NFIA: variants seen among roughly 807,000 people sequenced by gnomAD.
The protein encoded by NFIA is nuclear factor I A, also known as nuclear factor 1 A-type.
Under a neutral mutation model 62.8 loss-of-function variants are expected in NFIA, and 8 were observed. The observed-to-expected ratio is 0.13, with a 90% CI of 0.07 to 0.23. The LOEUF (loss-of-function observed/expected upper bound fraction) is 0.23. Among genes scored for constraint, NFIA ranks in the 10% least tolerant of loss-of-function variants. The pLI is 1.00. For missense variants in NFIA, 410 were observed against 642.1 expected, an observed-to-expected ratio of 0.64 and a Z score of 3.91; for synonymous variants, 235 against 238.1, an observed-to-expected ratio of 0.99 and a Z score of 0.12.
At chr1:61,378,014 C>A (rs769617607) in intron 6 of NFIA, among the ~76,000 whole-genome samples, 2 of 152,132 alleles carry the variant, frequency 1.3e-5, no homozygotes, top group South Asian at 2.1e-4. Flanking sequence ...TAAGAAGATA[C>A]CTAAGGAAGA....
At chr1:61,273,579 GAAC>G (rs1344956732) in intron 2 of NFIA, among the ~76,000 whole-genome samples, 2 of 152,154 alleles carry the variant, frequency 1.3e-5, no homozygotes, top group African/African-American at 2.4e-5. Context: ...TCAGAAAGCT[GAAC>G]AACAATTGAA....
intron 3 of NFIA, among the ~76,000 whole-genome samples, chr1:61,283,608 AG>A (rs1170104697): frequency 1.4e-4 from 20 of 146,652 alleles, no homozygotes; most frequent in African/African-American, 4.0e-4. Context: ...AAAAAAAAAA[AG>A]ATTTATGTGT....
chr1:61,415,898 T>C (rs1666327463), intron 9 of NFIA, among the ~76,000 whole-genome samples: 2 of 152,144 alleles, frequency 1.3e-5, no homozygotes, highest in South Asian at 4.1e-4. Context: ...GATTGCAACA[T>C]TGATTACAAT....
At position 61,421,682 on chromosome 1, in the gene NFIA, C is replaced by T. The variant is rs139558817; in HGVS notation, c.1421-4783C>T. Among the ~76,000 whole-genome samples, 656 of 152,290 alleles carry T rather than the reference C, an allele frequency of 4.3e-3. 2 individuals carry two copies. The highest frequency in any genetic ancestry group is 0.015 in the African/African-American group (630 of 41,558). On this transcript the variant is annotated intron_variant, in intron 9 of 10. Coordinates refer to ENST00000403491, the MANE Select transcript of NFIA (RefSeq NM_001134673.4). ...CTGGCTGTCACTCAAGTAGGTCAGCCTCAGGTGAAACCAGCCACTTAGCCT... is the reference window on the plus strand; with the variant it reads ...CTGGCTGTCACTCAAGTAGGTCAGCTTCAGGTGAAACCAGCCACTTAGCCT...
rs555472079 is a variant in NFIA, at chr1:61,135,330, G to A, written c.559+46650G>A. Among the ~76,000 whole-genome samples, 11 of 152,316 alleles carry A rather than the reference G, an allele frequency of 7.2e-5. 1 individual carries two copies. Among genetic ancestry groups the A allele is most frequent in the South Asian group, 6.2e-4 (3 of 4,826 alleles). On this transcript the variant is annotated intron_variant, in intron 2 of 10. Coordinates refer to ENST00000403491, the MANE Select transcript of NFIA (RefSeq NM_001134673.4). ...AGGTCGTGCTACTGGGTTCTTTAGC[G>A]TCAAGACTGTAACCTACATCTTTAG... is the stretch of plus-strand genomic sequence containing the variant.
At chr1:61,157,949 T>A (rs1008851717) in intron 2 of NFIA, among the ~76,000 whole-genome samples, 6 of 152,234 alleles carry the variant, frequency 3.9e-5, no homozygotes, top group African/African-American at 1.4e-4. Context: ...CTCTGTAAAT[T>A]GTTATGTGTG....
At position 61,363,343 on chromosome 1, in the gene NFIA, G is replaced by A. The variant is rs138785071; in HGVS notation, c.946+4069G>A. On this transcript the variant is annotated intron_variant, in intron 6 of 10. Transcript: ENST00000403491. ...TATAAAGCCGGGTGTGATGGCTCACGCCTGTAATCCCAGCACTTTGGGAGG... is the reference window on the plus strand; with the variant it reads ...TATAAAGCCGGGTGTGATGGCTCACACCTGTAATCCCAGCACTTTGGGAGG... 1.2e-3 allele frequency among the ~76,000 whole-genome samples: 180 copies of A among 152,212 alleles called. 1 individual carries two copies. The highest frequency in any genetic ancestry group is 1.7e-3 in the Non-Finnish European group (115 of 67,988).
intron 2 of NFIA, among the ~76,000 whole-genome samples, chr1:61,272,302 C>T (rs905109392): frequency 1.3e-5 from 2 of 152,122 alleles, no homozygotes; most frequent in Non-Finnish European, 2.9e-5. Context: ...ATATTTTCTT[C>T]ACACGTCAGT....
Position 61,462,013 on chromosome 1 carries a change from A to G in NFIA, c.*6693A>G, listed in dbSNP as rs1281499785. 1 of 105,992 alleles carries G rather than the reference A, an allele frequency of 9.4e-6. No homozygotes were observed. Among genetic ancestry groups the G allele is most frequent in the Non-Finnish European group, 2.0e-5 (1 of 50,188 alleles). The allele number at this position is 105,992 out of a possible 1,614,324, so 6.6% of individuals were successfully genotyped here. A position where few individuals can be genotyped will look rare whatever the true frequency, so the allele number is the denominator to read the frequency against. On this transcript the variant is annotated 3_prime_UTR_variant, in exon 11 of 11. Coordinates refer to ENST00000403491, the MANE Select transcript of NFIA (RefSeq NM_001134673.4). ...ATTTTTTGATAATAGTCTGTAAGTT[A>G]GCCTTTTTGGGTTTTTTTTTTTTTT...
At chr1:61,293,694 A>G (rs1051379376) in intron 3 of NFIA, among the ~76,000 whole-genome samples, 3 of 152,220 alleles carry the variant, frequency 2.0e-5, no homozygotes, top group Admixed American at 6.5e-5. Flanking sequence ...AAACTAATAC[A>G]GTTAAAAAGA....
chr1:61,458,368 C>G lies in NFIA; in HGVS notation c.*3048C>G, dbSNP rs1223402011. ...TGCACCCTTTTTTAAACAAAACAAA[C>G]TAAGCAATAGTTTGGGCAGTTTTAG... On this transcript the variant is annotated 3_prime_UTR_variant, in exon 11 of 11. Coordinates refer to ENST00000403491, the MANE Select transcript of NFIA (RefSeq NM_001134673.4). 1 of 152,068 alleles carries G rather than the reference C, an allele frequency of 6.6e-6. No individual in the cohort carries two copies. Among genetic ancestry groups the G allele is most frequent in the Non-Finnish European group, 1.5e-5 (1 of 67,998 alleles). The allele number at this position is 152,068 out of a possible 1,614,324, so 9.4% of individuals were successfully genotyped here.
chr1:61,444,329 G>A (rs770571643), intron 10 of NFIA, among the ~76,000 whole-genome samples: 4 of 152,208 alleles, frequency 2.6e-5, no homozygotes, highest in Non-Finnish European at 5.9e-5. Flanking sequence ...TGCCTCTGGA[G>A]TAGACCTGAG....
chr1:61,342,778 G>C (rs1421940416), intron 4 of NFIA, among the ~76,000 whole-genome samples: 1 of 152,224 alleles, frequency 6.6e-6, no homozygotes, highest in Non-Finnish European at 1.5e-5. Flanking sequence ...AGCAACACTA[G>C]AAATGTGAAT....
chr1:61,154,833 T>TG (rs1171560740), intron 2 of NFIA, among the ~76,000 whole-genome samples: 3 of 152,222 alleles, frequency 2.0e-5, no homozygotes, highest in African/African-American at 7.2e-5. Context: ...AATTGAGACG[T>TG]GACCTATGAC....
intron 3 of NFIA, among the ~76,000 whole-genome samples, chr1:61,305,469 A>C (rs911372903): frequency 6.6e-6 from 1 of 152,218 alleles, no homozygotes; most frequent in African/African-American, 2.4e-5. Flanking sequence ...GAGAGGTTGC[A>C]AGTTAGAGAC....
chr1:61,195,930 G>A (rs1570358189), intron 2 of NFIA, among the ~76,000 whole-genome samples: 1 of 152,230 alleles, frequency 6.6e-6, no homozygotes, highest in African/African-American at 2.4e-5. Flanking sequence ...TTCTTACAGA[G>A]TAACTGAATT....
chr1:61,152,080 A>G (rs1238575678), intron 2 of NFIA, among the ~76,000 whole-genome samples: 1 of 152,204 alleles, frequency 6.6e-6, no homozygotes, highest in Non-Finnish European at 1.5e-5. Context: ...CTTAGGTAAC[A>G]TGACCCAATG....
intron 2 of NFIA, among the ~76,000 whole-genome samples, chr1:61,123,297 A>C (rs1433079708): frequency 6.6e-6 from 1 of 151,996 alleles, no homozygotes; most frequent in African/African-American, 2.4e-5. Context: ...AGGCAGCTTC[A>C]TGTAATAGTG....
At chr1:61,262,310 A>G (rs1249872324) in intron 2 of NFIA, among the ~76,000 whole-genome samples, 1 of 152,176 alleles carries the variant, frequency 6.6e-6, no homozygotes, top group Non-Finnish European at 1.5e-5. Context: ...TTATGACTTC[A>G]GTGTTTGTAT....
Sources: allele counts gnomAD v4.1 joint callset (sites outside exome capture counted in the v4.1 genomes callset), GRCh38; gene constraint gnomAD v4.1.1; transcripts MANE v1.5; gene names NCBI Gene and HGNC (gene_info 2026-07-23, HGNC 2026-07-21).